DIAPH3: variants seen among roughly 807,000 people sequenced by gnomAD.
The protein encoded by DIAPH3 is diaphanous related formin 3.
Under a neutral mutation model 144.3 loss-of-function variants are expected in DIAPH3, and 117 were observed. The ratio of observed to expected loss-of-function variants is 0.81; its 90% CI spans 0.70 to 0.95. The LOEUF is 0.95. Among genes scored for constraint, DIAPH3 ranks in the 40% least tolerant of loss-of-function variants. The probability of loss-of-function intolerance (pLI) is 0.00; values close to 1 mark genes in which losing one functional copy is unlikely to be tolerated. For missense variants in DIAPH3, 1,421 were observed against 1,412.7 expected, an observed-to-expected ratio of 1.01 and a Z score of -0.09; for synonymous variants, 519 against 488.9, an observed-to-expected ratio of 1.06 and a Z score of -0.81.
At chr13:59,780,335 T>G (rs544612018) in intron 25 of DIAPH3, among the ~76,000 whole-genome samples, 27 of 152,250 alleles carry the variant, frequency 1.8e-4, no homozygotes, top group African/African-American at 6.3e-4. Context: ...GAATAACAGG[T>G]ACGAAGGCAA....
intron 27 of DIAPH3, among the ~76,000 whole-genome samples, chr13:59,694,534 A>G (rs1186917999): frequency 2.6e-5 from 4 of 152,182 alleles, no homozygotes; most frequent in African/African-American, 9.6e-5. Flanking sequence ...CACTGAAAAC[A>G]TTATAAACTA....
chr13:59,950,789 T>C (rs1050965091), intron 17 of DIAPH3, among the ~76,000 whole-genome samples: 1 of 152,082 alleles, frequency 6.6e-6, no homozygotes, highest in African/African-American at 2.4e-5. Context: ...AGTCAAGATA[T>C]GAAGGCTATT....
intron 27 of DIAPH3, among the ~76,000 whole-genome samples, chr13:59,715,877 AT>A (rs35136683): frequency 5.3e-5 from 8 of 152,046 alleles, no homozygotes; most frequent in African/African-American, 1.7e-4. Flanking sequence ...CAGATAAAAC[AT>A]TTTTTTTAAG....
intron 26 of DIAPH3, 61 bp downstream of exon 26, chr13:59,774,667 A>C: frequency 2.7e-6 from 4 of 1,487,684 alleles, no homozygotes. Flanking sequence ...AATGAGAAAA[A>C]CAGGATTCTT....
intron 4 of DIAPH3, among the ~76,000 whole-genome samples, chr13:60,052,959 TA>T (rs559991017): frequency 0.38 from 15,356 of 40,406 alleles, 1,805 homozygotes; most frequent in Middle Eastern, 0.52. Flanking sequence ...GACTCCCTCT[TA>T]AAAAAAAAAA....
At chr13:59,957,761 G>GA (rs1362494895) in intron 17 of DIAPH3, among the ~76,000 whole-genome samples, 1 of 152,074 alleles carries the variant, frequency 6.6e-6, no homozygotes, top group Non-Finnish European at 1.5e-5. Context: ...AAAATATTCA[G>GA]AAAAAGCCTA....
chr13:59,938,999 C>G (rs905370490), intron 17 of DIAPH3, among the ~76,000 whole-genome samples: 1 of 152,026 alleles, frequency 6.6e-6, no homozygotes, highest in Non-Finnish European at 1.5e-5. Context: ...AAAAAAATTT[C>G]TTTATGAGGC....
intron 4 of DIAPH3, among the ~76,000 whole-genome samples, chr13:60,070,284 T>A (rs1008747862): frequency 4.2e-3 from 6 of 1,430 alleles, no homozygotes. Context: ...TCTGTTGGAT[T>A]TTTTTTTTTT....
chr13:59,926,816 C>T (rs1305856480), intron 17 of DIAPH3, among the ~76,000 whole-genome samples: 5 of 152,102 alleles, frequency 3.3e-5, no homozygotes, highest in South Asian at 2.1e-4. Context: ...CTACTGGATG[C>T]TATGTTCTGT....
At chr13:59,771,999 T>C (rs2038149158) in intron 27 of DIAPH3, among the ~76,000 whole-genome samples, 1 of 151,994 alleles carries the variant, frequency 6.6e-6, no homozygotes, top group African/African-American at 2.4e-5. Flanking sequence ...ATGAGATCAA[T>C]AACAATATAT....
At chr13:60,049,159 C>A (rs1443294431) in intron 4 of DIAPH3, among the ~76,000 whole-genome samples, 1 of 152,044 alleles carries the variant, frequency 6.6e-6, no homozygotes, top group African/African-American at 2.4e-5. Context: ...GTAGCCCAAA[C>A]AAAAAGTACA....
chr13:59,788,413 AG>A (rs539001035), intron 25 of DIAPH3, among the ~76,000 whole-genome samples: 62 of 152,232 alleles, frequency 4.1e-4, no homozygotes, highest in Admixed American at 9.2e-4. Context: ...TGAGGCCAGG[AG>A]TTTCAGACTA....
At chr13:60,122,493 G>A (rs2058872283) in intron 2 of DIAPH3, among the ~76,000 whole-genome samples, 1 of 152,074 alleles carries the variant, frequency 6.6e-6, no homozygotes, top group Non-Finnish European at 1.5e-5. Context: ...AACCCCCTCT[G>A]AACTTACCAC....
chr13:59,812,771 T>C (rs2040553414), intron 24 of DIAPH3, among the ~76,000 whole-genome samples: 2 of 152,136 alleles, frequency 1.3e-5, no homozygotes, highest in Admixed American at 1.3e-4. Context: ...TCCCTCAGGA[T>C]CTTCTAGGCC....
At chr13:59,859,703 C>A (rs756326268) in intron 22 of DIAPH3, among the ~76,000 whole-genome samples, 7 of 151,940 alleles carry the variant, frequency 4.6e-5, no homozygotes, top group Non-Finnish European at 1.0e-4. Flanking sequence ...TCAAAAAATC[C>A]AAAATATCAG....
chr13:60,033,884 TAAA>T (rs750427657), intron 5 of DIAPH3, among the ~76,000 whole-genome samples: 1 of 152,228 alleles, frequency 6.6e-6, no homozygotes, highest in Non-Finnish European at 1.5e-5. Flanking sequence ...GTTTTACTCT[TAAA>T]AAGTTTTCTG....
chr13:60,142,752 T>G (rs527265333), intron 1 of DIAPH3, among the ~76,000 whole-genome samples: 158 of 152,238 alleles, frequency 1.0e-3, no homozygotes, highest in African/African-American at 3.6e-3. Context: ...TTCCTTTCTT[T>G]TTTATTTTTT....
At chr13:60,111,018 AT>A (rs2058552365) in intron 3 of DIAPH3, among the ~76,000 whole-genome samples, 2 of 152,322 alleles carry the variant, frequency 1.3e-5, no homozygotes, top group Non-Finnish European at 1.5e-5. Context: ...ACTTACTCAG[AT>A]GGCACCCTCA....
intron 2 of DIAPH3, among the ~76,000 whole-genome samples, chr13:60,114,637 C>T (rs1402610658): frequency 9.2e-6 from 1 of 108,472 alleles, no homozygotes; most frequent in Non-Finnish European, 1.8e-5. Context: ...AAAAAGAATA[C>T]AAAAGACACA....
Sources: allele counts gnomAD v4.1 joint callset (sites outside exome capture counted in the v4.1 genomes callset), GRCh38; gene constraint gnomAD v4.1.1; transcripts MANE v1.5; gene names NCBI Gene and HGNC (gene_info 2026-07-23, HGNC 2026-07-21).